The following PTPN3 variants were observed in gnomAD, a reference collection of about 807,000 sequenced individuals.
PTPN3 encodes the protein tyrosine-protein phosphatase non-receptor type 3.
PTPN3 carries 96 observed loss-of-function variants against 132.7 expected under a neutral mutation model. The observed-to-expected ratio is 0.72, with a 90% CI of 0.61 to 0.86. The LOEUF is 0.86. PTPN3 is among the 40% of genes least tolerant of loss of function. The pLI is 0.00. For missense variants in PTPN3, 1,125 were observed against 1,159.6 expected (o/e 0.97, Z 0.43); for synonymous variants, 398 against 429.0 (o/e 0.93, Z 0.89).
chr9:109,516,524 G>A, the PTPN3 span, among the ~76,000 whole-genome samples: 6 of 152,292 alleles, frequency 3.9e-5, no homozygotes, highest in Non-Finnish European at 5.9e-5. Context: ...GAGGGTGTAA[G>A]GGTGTGTGTA....
intron 5 of PTPN3, among the ~76,000 whole-genome samples, chr9:109,452,673 TC>T: frequency 6.6e-6 from 1 of 151,952 alleles, no homozygotes; most frequent in East Asian, 1.9e-4. Flanking sequence ...CAAGTGATCC[TC>T]CTAGTTAGCC....
chr9:109,383,318 C>G (rs2131592442), intron 23 of PTPN3, 105 bp downstream of exon 23: 1 of 1,588,426 alleles, frequency 6.3e-7, no homozygotes, highest in Admixed American at 1.7e-5. Flanking sequence ...GACACGCTTG[C>G]CAGGTGCAAA....
intron 1 of PTPN3, among the ~76,000 whole-genome samples, chr9:109,495,370 C>T (rs936799182): frequency 6.6e-5 from 10 of 152,300 alleles, no homozygotes; most frequent in South Asian, 2.1e-4. Flanking sequence ...ACCACAAACC[C>T]GGAGGGTTGG....
At chr9:109,416,600 C>T (rs7865929) in intron 14 of PTPN3, among the ~76,000 whole-genome samples, 5,790 of 151,910 alleles carry the variant, frequency 0.038, 144 homozygotes, top group East Asian at 0.15. Flanking sequence ...CAGACAACAT[C>T]GTGCCCGCCT....
chr9:109,474,198 G>A (rs549726147), intron 1 of PTPN3, among the ~76,000 whole-genome samples: 7 of 152,184 alleles, frequency 4.6e-5, no homozygotes, highest in African/African-American at 1.7e-4. Flanking sequence ...CCATGGGGGG[G>A]TTTTAACCAA....
At chr9:109,510,568 AAAAAAAAAATATATAT>A in the PTPN3 span, among the ~76,000 whole-genome samples, 7 of 36,138 alleles carry the variant, frequency 1.9e-4, no homozygotes, top group Non-Finnish European at 3.4e-4. Context: ...TAAAAAAAAA[AAAAAAAAAATATATAT>A]ATATATATAT....
At chr9:109,428,793 C>A in intron 10 of PTPN3, 109 bp from the exon 11 acceptor site, 1 of 1,463,214 alleles carries the variant, frequency 6.8e-7, no homozygotes. Flanking sequence ...TGAGTGGGGG[C>A]TCTTGGCTGC....
chr9:109,507,469 A>G, the PTPN3 span, among the ~76,000 whole-genome samples: 1 of 152,216 alleles, frequency 6.6e-6, no homozygotes, highest in Non-Finnish European at 1.5e-5. Context: ...GGGGGATGCT[A>G]TTCAGCCTGC....
In PTPN3 at chr9:109,376,545, T is replaced by C. The variant is rs1838575026; in HGVS notation, c.*3011A>G. The C allele has an allele frequency of 6.6e-6, 1 of 152,190 alleles. No individual in the cohort carries two copies. Among genetic ancestry groups the C allele is most frequent in the African/African-American group, 2.4e-5 (1 of 41,436 alleles). The allele number at this position is 152,190 out of a possible 1,614,324, so 9.4% of individuals were successfully genotyped here. On this transcript the variant is annotated 3_prime_UTR_variant, in exon 26 of 26. Transcript: ENST00000374541. Reference sequence around the variant, plus strand: ...AAGTCAAAACACCAAGTGCAGGTTCTAGAGGGTGACACCAGCAGGGATCTC... The same window carrying C: ...AAGTCAAAACACCAAGTGCAGGTTCCAGAGGGTGACACCAGCAGGGATCTC...
At chr9:109,437,407 G>A (rs1293955933) in intron 8 of PTPN3, among the ~76,000 whole-genome samples, 1 of 152,208 alleles carries the variant, frequency 6.6e-6, no homozygotes, top group African/African-American at 2.4e-5. Flanking sequence ...TTCTGGGAGA[G>A]AGGTTTGGCA....
In PTPN3 at chr9:109,379,494, C is replaced by G. The variant is rs935018799; in HGVS notation, c.*62G>C. On this transcript the variant is annotated 3_prime_UTR_variant, in exon 26 of 26. Transcript: ENST00000374541. ...TTCCTCTTGCTGCTTCCAGAGAGGT[C>G]TGTCCTCCTCTTTCAAGGAGGATGC... is the stretch of plus-strand genomic sequence containing the variant. The G allele has an allele frequency of 5.5e-6, 8 of 1,464,118 alleles. No homozygotes were observed. In the African/African-American group the frequency reaches 1.1e-4, roughly 20 times the overall value. The allele number at this position is 1,464,118 out of a possible 1,614,324, so 90.7% of individuals were successfully genotyped here. A position where few individuals can be genotyped will look rare whatever the true frequency, so the allele number is the denominator to read the frequency against.
intron 1 of PTPN3, among the ~76,000 whole-genome samples, chr9:109,481,272 C>T (rs921509221): frequency 6.6e-6 from 1 of 152,168 alleles, no homozygotes; most frequent in Admixed American, 6.5e-5. Flanking sequence ...CCACCGAACA[C>T]AGGTCTCAGT....
chr9:109,480,417 G>A (rs1422735259), intron 1 of PTPN3, among the ~76,000 whole-genome samples: 1 of 152,072 alleles, frequency 6.6e-6, no homozygotes, highest in Non-Finnish European at 1.5e-5. Flanking sequence ...GCCTGCCTCA[G>A]TCTCCCAAGG....
intron 1 of PTPN3, among the ~76,000 whole-genome samples, chr9:109,473,302 G>A (rs1846469928): frequency 6.6e-6 from 1 of 152,160 alleles, no homozygotes. Context: ...AAGCCCGGGT[G>A]GAGTCATTTG....
rs766337038 is a variant in PTPN3 at position 109,422,899 on chromosome 9, G to T, written c.1002-47C>A. 2.5e-6 allele frequency: 4 copies of T among 1,589,458 alleles called. No individual in the cohort carries two copies. The Admixed American group carries it at 6.7e-5, about 27-fold the overall frequency. On this transcript the variant is annotated intron_variant, in intron 12 of 25. Coordinates refer to ENST00000374541, the MANE Select transcript of PTPN3 (RefSeq NM_002829.4). ...CACTTTCTACACTGACGTTCAACAG[G>T]AAAGAAATTACTGCATGTGTGAAAC...
At chr9:109,407,399 G>T in intron 17 of PTPN3, among the ~76,000 whole-genome samples, 1 of 151,930 alleles carries the variant, frequency 6.6e-6, no homozygotes, top group Non-Finnish European at 1.5e-5. Flanking sequence ...AAGAAAAATA[G>T]GTTAACTATG....
the PTPN3 span, among the ~76,000 whole-genome samples, chr9:109,522,520 A>G: frequency 6.6e-6 from 1 of 152,322 alleles, no homozygotes; most frequent in East Asian, 1.9e-4. Flanking sequence ...CACTAAACAA[A>G]TATTTTTATA....
chr9:109,528,302 T>C, the PTPN3 span, among the ~76,000 whole-genome samples: 1 of 152,230 alleles, frequency 6.6e-6, no homozygotes, highest in Non-Finnish European at 1.5e-5. Context: ...AGCTGCATCA[T>C]TTATAAGAGC....
chr9:109,418,400 C>T (rs1842674585), intron 14 of PTPN3, among the ~76,000 whole-genome samples: 1 of 152,210 alleles, frequency 6.6e-6, no homozygotes, highest in Non-Finnish European at 1.5e-5. Flanking sequence ...ACAGAGGGTG[C>T]TGGGCTGTGA....
Sources: allele counts gnomAD v4.1 joint callset (sites outside exome capture counted in the v4.1 genomes callset), GRCh38; gene constraint gnomAD v4.1.1; transcripts MANE v1.5; gene names NCBI Gene and HGNC (gene_info 2026-07-23, HGNC 2026-07-21).